EIF2B3: variants seen among roughly 807,000 people sequenced by gnomAD.
EIF2B3 encodes the protein eukaryotic translation initiation factor 2B subunit gamma.
EIF2B3 carries 20 observed loss-of-function variants against 54.1 expected under a neutral mutation model. The ratio of observed to expected loss-of-function variants is 0.37; its 90% CI spans 0.26 to 0.54. EIF2B3 has a LOEUF of 0.54. Among genes scored for constraint, EIF2B3 ranks in the 20% least tolerant of loss-of-function variants. The pLI is 0.86. For missense variants in EIF2B3, 448 were observed against 547.8 expected, an observed-to-expected ratio of 0.82 and a Z score of 1.82; for synonymous variants, 153 against 188.1, an observed-to-expected ratio of 0.81 and a Z score of 1.52.
intron 4 of EIF2B3, among the ~76,000 whole-genome samples, chr1:44,937,883 CAAAAAAAAAAAAAAAAAAAAAAAA>C (rs34363661): frequency 6.0e-5 from 2 of 33,534 alleles, no homozygotes; most frequent in African/African-American, 2.1e-4. Context: ...GACTCCGTCT[CAAAAAAAAAAAAAAAAAAAAAAAA>C]AAAAAAAAAA....
chr1:44,940,918 G>A (rs547195743), intron 4 of EIF2B3, among the ~76,000 whole-genome samples: 2 of 151,686 alleles, frequency 1.3e-5, no homozygotes, highest in South Asian at 2.1e-4. Context: ...ATGGAGTCTT[G>A]CTCTGTTGCC....
In EIF2B3 at chr1:44,880,044, G is replaced by A. The variant is rs371739475; in HGVS notation, c.785-36C>T. The A allele has an allele frequency of 5.6e-6, 9 of 1,606,902 alleles. 1 individual carries two copies. The highest frequency in any genetic ancestry group is 2.2e-5 in the East Asian group (1 of 44,836). ...AACACCCAACCAAGGAAATAAATGA[G>A]AGAGAGATAACAGAACAGATACAGA... On this transcript the variant is annotated intron_variant, in intron 7 of 11. Coordinates refer to ENST00000360403, the MANE Select transcript of EIF2B3 (RefSeq NM_020365.5).
chr1:44,891,725 T>G (rs1655802972), intron 6 of EIF2B3, among the ~76,000 whole-genome samples: 1 of 152,216 alleles, frequency 6.6e-6, no homozygotes, highest in South Asian at 2.1e-4. Context: ...GATCTCTGCT[T>G]GGAAGCCTTT....
chr1:44,947,049 A>T (rs1402090410), intron 3 of EIF2B3, among the ~76,000 whole-genome samples: 1 of 152,136 alleles, frequency 6.6e-6, no homozygotes, highest in Non-Finnish European at 1.5e-5. Context: ...TCATGGACCC[A>T]CTTCTTTTCT....
At chr1:44,922,699 C>T (rs545956668) in intron 5 of EIF2B3, among the ~76,000 whole-genome samples, 1 of 151,168 alleles carries the variant, frequency 6.6e-6, no homozygotes, top group Non-Finnish European at 1.5e-5. Context: ...TTTTTTGTGT[C>T]CTCTTCAAAT....
chr1:44,972,025 CCTT>C lies in EIF2B3; in HGVS notation c.294+6287_294+6289del, dbSNP rs963619107. Among the ~76,000 whole-genome samples the C allele has an allele frequency of 6.6e-5, 10 of 151,758 alleles. No individual in the cohort carries two copies. In the South Asian group the frequency reaches 1.9e-3, roughly 28 times the overall value. Reference sequence around the variant, plus strand: ...CCAGCCTGGGCAACAGAGCAAGACTCCTTCTCAAAAACAAAAAAACAAACAAAC... The same window carrying C: ...CCAGCCTGGGCAACAGAGCAAGACTCCTCAAAAACAAAAAAACAAACAAAC... On this transcript the variant is annotated intron_variant, in intron 3 of 11. Transcript: ENST00000360403.
intron 3 of EIF2B3, among the ~76,000 whole-genome samples, chr1:44,965,743 G>T (rs1197681380): frequency 6.7e-6 from 1 of 149,276 alleles, no homozygotes. Flanking sequence ...GGGTTCAAGC[G>T]ATCTTCGTGC....
chr1:44,867,821 T>A (rs541826969), intron 10 of EIF2B3, among the ~76,000 whole-genome samples: 13 of 147,820 alleles, frequency 8.8e-5, no homozygotes, highest in Admixed American at 2.8e-4. Flanking sequence ...TTTTTTATTT[T>A]TAAAAAAAGA....
At chr1:44,968,310 G>A (rs1013231039) in intron 3 of EIF2B3, among the ~76,000 whole-genome samples, 3 of 148,144 alleles carry the variant, frequency 2.0e-5, no homozygotes, top group Non-Finnish European at 4.5e-5. Flanking sequence ...GGGCTGAAGT[G>A]AGTCACGTTC....
chr1:44,939,101 C>CAAAAA (rs35410499), intron 4 of EIF2B3, among the ~76,000 whole-genome samples: 2 of 56,278 alleles, frequency 3.6e-5, no homozygotes, highest in African/African-American at 6.8e-5. Context: ...GACCCTGTCT[C>CAAAAA]AAAAAAAAAA....
At chr1:44,854,611 G>A (rs1308867366) in intron 11 of EIF2B3, among the ~76,000 whole-genome samples, 1 of 149,576 alleles carries the variant, frequency 6.7e-6, no homozygotes, top group East Asian at 2.0e-4. Flanking sequence ...TTTTGAGATG[G>A]AGTTTCGCTC....
At chr1:44,908,107 T>G (rs1316880627) in intron 5 of EIF2B3, among the ~76,000 whole-genome samples, 1 of 152,126 alleles carries the variant, frequency 6.6e-6, no homozygotes, top group Non-Finnish European at 1.5e-5. Flanking sequence ...GATTAAGAAG[T>G]CTCAGCTCTG....
intron 5 of EIF2B3, among the ~76,000 whole-genome samples, chr1:44,919,828 T>C (rs1643700816): frequency 6.8e-6 from 1 of 146,632 alleles, no homozygotes; most frequent in African/African-American, 2.5e-5. Flanking sequence ...GCGATTCTCC[T>C]GCCTCAGCCT....
At chr1:44,943,031 G>A (rs1305619161) in intron 3 of EIF2B3, among the ~76,000 whole-genome samples, 1 of 150,490 alleles carries the variant, frequency 6.6e-6, no homozygotes, top group Admixed American at 6.6e-5. Flanking sequence ...AATTTTTTTT[G>A]TGTTTTTAGT....
intron 3 of EIF2B3, among the ~76,000 whole-genome samples, chr1:44,952,380 G>A (rs578123316): frequency 1.6e-4 from 25 of 151,606 alleles, no homozygotes; most frequent in African/African-American, 5.8e-4. Flanking sequence ...GATTACCAGC[G>A]TAAGCCACTG....
intron 5 of EIF2B3, among the ~76,000 whole-genome samples, chr1:44,915,443 C>A (rs1194157417): frequency 6.6e-6 from 1 of 152,126 alleles, no homozygotes; most frequent in African/African-American, 2.4e-5. Context: ...TTCACTGCAG[C>A]CTTGGCCTCC....
At chr1:44,925,384 G>A (rs1467940420) in intron 5 of EIF2B3, 3 of 152,266 alleles carry the variant, frequency 2.0e-5, no homozygotes, top group Non-Finnish European at 4.4e-5. Context: ...TATATGCTAC[G>A]GCATGGACAA....
intron 3 of EIF2B3, among the ~76,000 whole-genome samples, chr1:44,970,895 C>G (rs1644392753): frequency 6.6e-6 from 1 of 151,978 alleles, no homozygotes; most frequent in Non-Finnish European, 1.5e-5. Context: ...AAGAAAAAAC[C>G]AAGTAAAGAT....
chr1:44,865,556 C>A (rs1235344970), intron 10 of EIF2B3, among the ~76,000 whole-genome samples: 1 of 150,038 alleles, frequency 6.7e-6, no homozygotes, highest in Admixed American at 6.6e-5. Context: ...CACAAATTTT[C>A]TTCTGTATTT....
Sources: allele counts gnomAD v4.1 joint callset (sites outside exome capture counted in the v4.1 genomes callset), GRCh38; gene constraint gnomAD v4.1.1; transcripts MANE v1.5; gene names NCBI Gene and HGNC (gene_info 2026-07-23, HGNC 2026-07-21).